Variants in PHF11 observed in about 807,000 individuals in gnomAD.
PHF11 encodes PHD finger protein 11, also known as BRCA1 C-terminus-associated protein.
PHF11 carries 38 observed loss-of-function variants against 40.5 expected under a neutral mutation model. The observed-to-expected ratio is 0.94, with a 90% confidence interval of 0.72 to 1.23. The LOEUF (loss-of-function observed/expected upper bound fraction) is 1.23, where lower values mean the gene tolerates loss of function less well. Among genes scored for constraint, PHF11 ranks in the 50% most tolerant of loss-of-function variants. The probability of loss-of-function intolerance (pLI) is 0.00; values close to 1 mark genes in which losing one functional copy is unlikely to be tolerated. For missense variants in PHF11, 369 were observed against 392.4 expected, an observed-to-expected ratio of 0.94 and a Z score of 0.50; for synonymous variants, 127 against 138.2, an observed-to-expected ratio of 0.92 and a Z score of 0.57.
chr13:49,498,354 C>G (rs911136378), intron 1 of PHF11, among the ~76,000 whole-genome samples: 3 of 152,120 alleles, frequency 2.0e-5, no homozygotes, highest in Admixed American at 6.5e-5. Context: ...TCCGGTAGAT[C>G]ATTCTGACAG....
intron 4 of PHF11, among the ~76,000 whole-genome samples, chr13:49,520,653 T>G (rs549069174): frequency 1.3e-5 from 2 of 152,272 alleles, no homozygotes; most frequent in South Asian, 2.1e-4. Flanking sequence ...TCATCAGTAC[T>G]CATTCCTTGA....
chr13:49,506,898 CTTTTTTTTTT>C (rs1169962633), intron 2 of PHF11, 142 bp downstream of exon 2: 2 of 144,042 alleles, frequency 1.4e-5, no homozygotes, highest in East Asian at 2.5e-4. Flanking sequence ...GGGAGCATTT[CTTTTTTTTTT>C]TTTTTTTTTT....
chr13:49,513,765 G>A (rs781205107), intron 3 of PHF11, among the ~76,000 whole-genome samples: 3 of 152,164 alleles, frequency 2.0e-5, no homozygotes, highest in Non-Finnish European at 4.4e-5. Context: ...TTTTTCACTT[G>A]ATCAGAGAAA....
chr13:49,497,094 T>C, intron 1 of PHF11: 7 of 1,284,330 alleles, frequency 5.5e-6, no homozygotes, highest in South Asian at 5.0e-5. Flanking sequence ...TGAAGGGGTG[T>C]TCCCAGCAGA....
At chr13:49,522,975 G>A (rs565899444) in intron 6 of PHF11, among the ~76,000 whole-genome samples, 200 bp from the exon 7 acceptor site, 1 of 152,112 alleles carries the variant, frequency 6.6e-6, no homozygotes, top group Non-Finnish European at 1.5e-5. Context: ...CTGTTGTCCA[G>A]GCTGGTCTCG....
chr13:49,496,103 C>T lies in PHF11; in HGVS notation c.94+8C>T. 1.2e-6 allele frequency: 1 copy of T among 820,364 alleles called. No individual in the cohort carries two copies. Among genetic ancestry groups the T allele is most frequent in the Non-Finnish European group, 1.6e-6 (1 of 635,092 alleles). The allele number at this position is 820,364 out of a possible 1,614,324, so 50.8% of individuals were successfully genotyped here. Reference sequence around the variant, plus strand: ...CGCTCCTCCTTCCCACCGGTGTGTACCGCGGGGGCGGGCGGGCGGGCGGGC... The same window carrying T: ...CGCTCCTCCTTCCCACCGGTGTGTATCGCGGGGGCGGGCGGGCGGGCGGGC... On this transcript the variant is annotated splice_region_variant and intron_variant, in intron 1 of 9. Coordinates refer to ENST00000378319, the MANE Select transcript of PHF11 (RefSeq NM_001040443.3).
At chr13:49,520,774 AC>A in intron 4 of PHF11, 119 bp from the exon 5 acceptor site, 1 of 644,898 alleles carries the variant, frequency 1.6e-6, no homozygotes, top group Non-Finnish European at 2.5e-6. Context: ...AAAAAAAAAA[AC>A]TTTAGTGTGA....
At position 49,506,635 on chromosome 13, in the gene PHF11, G is replaced by T. The variant is rs975046834; in HGVS notation, c.95G>T (p.Gly32Val). The change falls in exon 2 of 10, where the codon GGT becomes GTT. Residue 32 changes from glycine (G) to valine (V), a missense_variant and splice_region_variant. Gly to Val is a moderately radical substitution (Grantham distance 109). Transcript: ENST00000378319. The stretch of plus-strand genomic sequence containing the variant: ...TTCTCACCAGGGATATTACTTATAG[G>T]TGTCTTTCAGGTTGCAGAAAAGATG... ...PAQEALLLPT[G>V]VFQVAEKMEK... 35 of 1,613,182 alleles carry T rather than the reference G, an allele frequency of 2.2e-5. No individual in the cohort carries two copies. The highest frequency in any genetic ancestry group is 3.0e-5 in the Non-Finnish European group (35 of 1,179,612).
chr13:49,509,536 G>T (rs796734445), intron 2 of PHF11, among the ~76,000 whole-genome samples: 4 of 152,186 alleles, frequency 2.6e-5, no homozygotes, highest in African/African-American at 9.6e-5. Context: ...CTACAAATAA[G>T]GTGATATGCT....
intron 5 of PHF11, chr13:49,521,622 C>A (rs1959188262): frequency 3.7e-6 from 1 of 272,122 alleles, no homozygotes; most frequent in Non-Finnish European, 5.6e-6. Context: ...GGAAAAGCAC[C>A]AGCAATACAC....
chr13:49,506,869 A>T, intron 2 of PHF11, 113 bp downstream of exon 2: 27 of 388,776 alleles, frequency 6.9e-5, no homozygotes, highest in Non-Finnish European at 1.1e-4. Flanking sequence ...CCATGGTTTG[A>T]GCTTTTAGGT....
In PHF11 at chr13:49,503,004, G is replaced by A. The variant is rs528300763; in HGVS notation, c.95-3631G>A. On this transcript the variant is annotated intron_variant, in intron 1 of 9. Coordinates refer to ENST00000378319, the MANE Select transcript of PHF11 (RefSeq NM_001040443.3). ...CTCCCAAAGTGCAGGGATTACAGGC[G>A]TGAGCACCGTGCCCGACCAAGATTG... Among the ~76,000 whole-genome samples, 11 of 152,212 alleles carry A rather than the reference G, an allele frequency of 7.2e-5. No individual in the cohort carries two copies. The South Asian group carries it at 2.1e-3, about 29-fold the overall frequency.
chr13:49,507,860 C>T (rs1004401489), intron 2 of PHF11, among the ~76,000 whole-genome samples: 4 of 152,106 alleles, frequency 2.6e-5, no homozygotes, highest in Non-Finnish European at 4.4e-5. Context: ...TGAGCATTCA[C>T]GGATTTTGGT....
chr13:49,512,418 A>G (rs555938162), intron 2 of PHF11, among the ~76,000 whole-genome samples: 5 of 152,336 alleles, frequency 3.3e-5, no homozygotes, highest in Non-Finnish European at 7.3e-5. Context: ...TGATTTTTAT[A>G]AGAAATCTTC....
rs9568230 is a variant in PHF11, at chr13:49,509,274, G to A, written c.216+2518G>A. ...TCGCCCCAGGCTGGAGTGCAATGGT[G>A]TGATCTTGGCTCACTGCAACCTCCA... On this transcript the variant is annotated intron_variant, in intron 2 of 9. Coordinates refer to ENST00000378319, the MANE Select transcript of PHF11 (RefSeq NM_001040443.3). Among the ~76,000 whole-genome samples the A allele has an allele frequency of 2.0e-5, 3 of 150,838 alleles. No homozygotes were observed. In the East Asian group the frequency reaches 5.9e-4, roughly 30 times the overall value.
At chr13:49,496,186 G>C in intron 1 of PHF11, 91 bp downstream of exon 1, 1 of 834,398 alleles carries the variant, frequency 1.2e-6, no homozygotes, top group Non-Finnish European at 1.6e-6. Flanking sequence ...TGGCCGCATG[G>C]GGGCCCGACC....
chr13:49,516,765 T>G (rs1433576556), intron 3 of PHF11, among the ~76,000 whole-genome samples: 1 of 151,982 alleles, frequency 6.6e-6, no homozygotes, highest in Non-Finnish European at 1.5e-5. Flanking sequence ...TAAAGTTTTT[T>G]GTAGAGATGA....
intron 1 of PHF11, among the ~76,000 whole-genome samples, chr13:49,498,346 C>T (rs972790371): frequency 1.3e-5 from 2 of 151,590 alleles, no homozygotes; most frequent in African/African-American, 2.4e-5. Context: ...AGTACATTTC[C>T]GGTAGATCAT....
chr13:49,525,318 G>T, intron 8 of PHF11, among the ~76,000 whole-genome samples: 1 of 152,186 alleles, frequency 6.6e-6, no homozygotes, highest in East Asian at 1.9e-4. Context: ...CATGATCTCA[G>T]CTCATTGCAA....
Sources: allele counts gnomAD v4.1 joint callset (sites outside exome capture counted in the v4.1 genomes callset), GRCh38; gene constraint gnomAD v4.1.1; transcripts MANE v1.5; gene names NCBI Gene and HGNC (gene_info 2026-07-23, HGNC 2026-07-21).